The following AIDA variants were observed in gnomAD, a reference collection of about 807,000 sequenced individuals.
AIDA encodes the protein axin interactor, dorsalization-associated protein.
A neutral mutation model predicts 42.7 loss-of-function variants in AIDA; 18 were observed. That is an observed-to-expected ratio of 0.42 (90% confidence interval 0.29 to 0.63). AIDA has a LOEUF of 0.63. Ranked by LOEUF, AIDA falls within the 20% of genes least tolerant of loss-of-function variation. The pLI, the probability that AIDA is intolerant of heterozygous loss-of-function variation, is 0.19. For missense variants in AIDA, 250 were observed against 354.1 expected, an observed-to-expected ratio of 0.71 and a Z score of 2.36; for synonymous variants, 104 against 122.9, an observed-to-expected ratio of 0.85 and a Z score of 1.02.
At chr1:222,692,783 T>C (rs921740087) in intron 4 of AIDA, among the ~76,000 whole-genome samples, 11 of 152,180 alleles carry the variant, frequency 7.2e-5, no homozygotes, top group African/African-American at 2.7e-4. Context: ...GATGAATTTA[T>C]GGAAGGGAAT....
chr1:222,686,772 CATACTTATGA>C lies in AIDA; in HGVS notation c.460+148_460+157del, dbSNP rs1307837055. ...CACAGATAGTAAGATAACTTCACAC[CATACTTATGA>C]AATAGCTACTGCCAATAAAATTTGC... On this transcript the variant is annotated intron_variant, in intron 6 of 9. Coordinates refer to ENST00000340020, the MANE Select transcript of AIDA (RefSeq NM_022831.4). Among the ~76,000 whole-genome samples, 7 of 152,252 alleles carry C rather than the reference CATACTTATGA, an allele frequency of 4.6e-5. No homozygotes were observed. In the East Asian group the frequency reaches 1.4e-3, roughly 29 times the overall value.
Position 222,693,849 on chromosome 1 carries a change from T to C in AIDA, c.235-6A>G. 2 of 1,604,962 alleles carry C rather than the reference T, an allele frequency of 1.2e-6. No homozygotes were observed. The highest frequency in any genetic ancestry group is 1.7e-6 in the Non-Finnish European group (2 of 1,173,218). On this transcript the variant is annotated splice_region_variant and splice_polypyrimidine_tract_variant and intron_variant, in intron 3 of 9. Coordinates refer to ENST00000340020, the MANE Select transcript of AIDA (RefSeq NM_022831.4). ...TCTTCTTGAGACTGTGTGGACTAAA[T>C]TTAAAATAAGCATATTACATCTTTT...
chr1:222,682,029 T>C (rs950574946), intron 6 of AIDA, among the ~76,000 whole-genome samples: 1 of 152,202 alleles, frequency 6.6e-6, no homozygotes, highest in Non-Finnish European at 1.5e-5. Context: ...CAATGGAGAT[T>C]ACGGAGAACC....
chr1:222,680,946 C>T (rs1284261128), intron 6 of AIDA, among the ~76,000 whole-genome samples: 3 of 151,930 alleles, frequency 2.0e-5, no homozygotes, highest in Non-Finnish European at 4.4e-5. Context: ...ATTTAAAAGG[C>T]TCTATTCCCA....
chr1:222,670,135 T>C lies in AIDA; in HGVS notation c.822A>G (p.Glu274=). ...DEIKPGPIVI[E]LYKKPTDFKR... ...AATTCTATATGCACATCACTTACAG[T>C]TCTATTACAATTGGCCCAGGTTTAA... The change falls in exon 9 of 10, where the codon GAA becomes GAG. Residue 274 remains glutamate (E), a splice_region_variant and synonymous_variant. Coordinates refer to ENST00000340020, the MANE Select transcript of AIDA (RefSeq NM_022831.4). The C allele has an allele frequency of 3.1e-6, 5 of 1,613,572 alleles. No homozygotes were observed. The highest frequency in any genetic ancestry group is 3.4e-6 in the Non-Finnish European group (4 of 1,179,556).
intron 2 of AIDA, 70 bp downstream of exon 2, chr1:222,703,078 C>T: frequency 7.9e-7 from 1 of 1,264,636 alleles, no homozygotes. Context: ...TTTTGTTTTG[C>T]TTAATGAACT....
At chr1:222,693,560 C>T (rs1458060734) in intron 4 of AIDA, among the ~76,000 whole-genome samples, 1 of 151,924 alleles carries the variant, frequency 6.6e-6, no homozygotes, top group African/African-American at 2.4e-5. Context: ...AAAATAAAGG[C>T]TAATACATAT....
chr1:222,678,366 G>A (rs1284091650), intron 6 of AIDA, among the ~76,000 whole-genome samples: 1 of 151,960 alleles, frequency 6.6e-6, no homozygotes, highest in African/African-American at 2.4e-5. Flanking sequence ...GGTGTTTTCT[G>A]ACAGACAAAA....
chr1:222,692,438 G>T (rs1479438103), intron 4 of AIDA, among the ~76,000 whole-genome samples: 1 of 152,134 alleles, frequency 6.6e-6, no homozygotes, highest in African/African-American at 2.4e-5. Flanking sequence ...ATCAACATGT[G>T]TTCTCTTTGC....
In AIDA at chr1:222,673,427, C is replaced by T. The variant is rs1222260390; in HGVS notation, c.592G>A (p.Gly198Ser). 12 of 1,583,986 alleles carry T rather than the reference C, an allele frequency of 7.6e-6. No individual in the cohort carries two copies. The East Asian group carries it at 2.5e-4, about 33-fold the overall frequency. The change falls in exon 8 of 10, where the codon GGC becomes AGC. Residue 198 changes from glycine (G) to serine (S), a missense_variant. Around this residue, in one of 4 missense-constraint regions of AIDA, gnomAD observed 199 missense variants for 232.6 expected, o/e 0.86. Transcript: ENST00000340020. The part of the protein sequence containing the change: ...YITVSVKDLN[G>S]IDLTPVQDTP... ...TCTTGCACAGGAGTTAAGTCTATGC[C>T]ATTCAGATCTAAAGAGAAAAGAAGT...
intron 1 of AIDA, among the ~76,000 whole-genome samples, chr1:222,706,849 C>G (rs1300652600): frequency 3.1e-5 from 4 of 127,260 alleles, no homozygotes; most frequent in African/African-American, 1.4e-4. Context: ...AGTGGGACTG[C>G]GCCTCAAAAA....
At chr1:222,691,622 C>T (rs978750282) in intron 4 of AIDA, among the ~76,000 whole-genome samples, 2 of 152,032 alleles carry the variant, frequency 1.3e-5, no homozygotes, top group Admixed American at 6.6e-5. Context: ...TTCTAAACTT[C>T]GTACATGATA....
intron 8 of AIDA, among the ~76,000 whole-genome samples, chr1:222,672,921 C>T (rs144975025): frequency 1.3e-5 from 2 of 152,312 alleles, no homozygotes; most frequent in African/African-American, 2.4e-5. Flanking sequence ...TAACAATTAA[C>T]TGCAAGTTAA....
chr1:222,673,842 G>A (rs1437654990), intron 7 of AIDA, among the ~76,000 whole-genome samples: 2 of 151,752 alleles, frequency 1.3e-5, no homozygotes, highest in Non-Finnish European at 2.9e-5. Context: ...CCAGAACTTT[G>A]GGAGGCTGAG....
At position 222,673,428 on chromosome 1, in the gene AIDA, A is replaced by G. The variant is rs1030827048; in HGVS notation, c.591T>C (p.Asn197=). Residue 197 remains asparagine (N), a synonymous_variant, in exon 8 of 10, where the codon AAT becomes AAC. Transcript: ENST00000340020. ...PYITVSVKDL[N]GIDLTPVQDT... The stretch of plus-strand genomic sequence containing the variant: ...CTTGCACAGGAGTTAAGTCTATGCC[A>G]TTCAGATCTAAAGAGAAAAGAAGTT... The G allele has an allele frequency of 1.6e-5, 26 of 1,583,832 alleles. No individual in the cohort carries two copies. Among genetic ancestry groups the G allele is most frequent in the Non-Finnish European group, 2.1e-5 (25 of 1,166,018 alleles).
chr1:222,673,250 A>G, intron 8 of AIDA, 63 bp downstream of exon 8: 1 of 1,489,174 alleles, frequency 6.7e-7, no homozygotes, highest in Non-Finnish European at 9.1e-7. Flanking sequence ...CACCATATGT[A>G]CAAACACAAA....
intron 4 of AIDA, among the ~76,000 whole-genome samples, chr1:222,691,586 TA>T (rs72079065): frequency 0.031 from 4,612 of 150,822 alleles, 222 homozygotes; most frequent in African/African-American, 0.1. Flanking sequence ...GCACTATTTT[TA>T]AAAAAAAAAT....
At chr1:222,675,966 A>G (rs764420878) in intron 7 of AIDA, 130 bp downstream of exon 7, 16 of 1,035,022 alleles carry the variant, frequency 1.5e-5, no homozygotes, top group Non-Finnish European at 2.1e-5. Flanking sequence ...TTGCCTCATG[A>G]TAGAATGAAC....
At chr1:222,696,310 C>A (rs1004358753) in intron 2 of AIDA, among the ~76,000 whole-genome samples, 2 of 152,158 alleles carry the variant, frequency 1.3e-5, no homozygotes, top group Admixed American at 6.5e-5. Context: ...TTCAAACACG[C>A]CACTCAATTC....
Sources: gnomAD v4.1 joint callset for allele counts (sites outside exome capture counted in the v4.1 genomes callset) on GRCh38, gnomAD v4.1.1 for gene constraint, gnomAD v4.1.1 regional missense constraint, MANE v1.5 for transcripts, NCBI Gene and HGNC (gene_info 2026-07-23, HGNC 2026-07-21) for gene names.